ASTN2: variants seen among roughly 807,000 people sequenced by gnomAD.
The protein encoded by ASTN2 is astrotactin 2, also known as astrotactin-2.
A neutral mutation model predicts 139.8 loss-of-function variants in ASTN2; 54 were observed. The observed-to-expected ratio is 0.39, with a 90% CI of 0.31 to 0.48. ASTN2 has a LOEUF of 0.48. Among genes scored for constraint, ASTN2 ranks in the 20% least tolerant of loss-of-function variants. The pLI is 0.95. For synonymous variants in ASTN2, 756 were observed against 719.5 expected, an observed-to-expected ratio of 1.05 and a Z score of -0.81; for missense variants, 1,565 against 1,725.1, an observed-to-expected ratio of 0.91 and a Z score of 1.64.
chr9:116,974,538 T>C (rs1481211643), intron 10 of ASTN2, among the ~76,000 whole-genome samples: 2 of 144,648 alleles, frequency 1.4e-5, no homozygotes, highest in East Asian at 2.1e-4. Flanking sequence ...AGATGGAGTC[T>C]CACTCTGTTC....
At chr9:116,545,338 T>A (rs1404347507) in intron 19 of ASTN2, among the ~76,000 whole-genome samples, 2 of 152,068 alleles carry the variant, frequency 1.3e-5, no homozygotes, top group Non-Finnish European at 2.9e-5. Flanking sequence ...TGGATTGGAG[T>A]CTCCACATGT....
At chr9:117,078,325 C>T (rs1027896370) in intron 5 of ASTN2, among the ~76,000 whole-genome samples, 17 of 152,096 alleles carry the variant, frequency 1.1e-4, no homozygotes, top group Admixed American at 1.1e-3. Context: ...TTCCAGTTTT[C>T]CACCATTATT....
chr9:117,240,843 C>T (rs2133072690), intron 2 of ASTN2, among the ~76,000 whole-genome samples: 1 of 152,310 alleles, frequency 6.6e-6, no homozygotes, highest in East Asian at 1.9e-4. Flanking sequence ...CTAAGCCATG[C>T]TTTCTGCAGA....
chr9:117,147,338 G>A (rs939282089), intron 3 of ASTN2, among the ~76,000 whole-genome samples: 2 of 152,120 alleles, frequency 1.3e-5, no homozygotes, highest in Non-Finnish European at 1.5e-5. Flanking sequence ...TCAGGTAGCT[G>A]AGGCAGAGAA....
At chr9:116,711,728 CA>C (rs1235721927) in intron 16 of ASTN2, among the ~76,000 whole-genome samples, 1 of 152,198 alleles carries the variant, frequency 6.6e-6, no homozygotes, top group Admixed American at 6.5e-5. Context: ...TCATTTTCCT[CA>C]CCTTTCACCT....
intron 2 of ASTN2, among the ~76,000 whole-genome samples, chr9:117,256,088 C>T (rs903020851): frequency 6.6e-6 from 1 of 152,110 alleles, no homozygotes; most frequent in African/African-American, 2.4e-5. Flanking sequence ...AGGCTCACAC[C>T]AAGCCTGCAA....
intron 1 of ASTN2, among the ~76,000 whole-genome samples, chr9:117,374,369 TAAAAAA>T (rs57428022): frequency 0.28 from 24,971 of 87,986 alleles, 2,865 homozygotes; most frequent in East Asian, 0.51. Flanking sequence ...AGGGCAGGGT[TAAAAAA>T]AAAAAAAAAA....
At chr9:116,756,617 A>C (rs1036124634) in intron 13 of ASTN2, among the ~76,000 whole-genome samples, 3 of 152,006 alleles carry the variant, frequency 2.0e-5, no homozygotes, top group African/African-American at 4.8e-5. Flanking sequence ...TGTACCAATA[A>C]ATGTTTATTC....
intron 20 of ASTN2, among the ~76,000 whole-genome samples, chr9:116,471,573 A>G (rs1848814543): frequency 6.6e-6 from 1 of 151,894 alleles, no homozygotes; most frequent in African/African-American, 2.4e-5. Context: ...CCGGGGAAAG[A>G]GGGACAGAGA....
chr9:116,488,887 A>C (rs1355349097), intron 19 of ASTN2, among the ~76,000 whole-genome samples: 1 of 152,182 alleles, frequency 6.6e-6, no homozygotes, highest in East Asian at 1.9e-4. Flanking sequence ...ATTACTTAAA[A>C]ATAGATAAAG....
intron 13 of ASTN2, among the ~76,000 whole-genome samples, chr9:116,801,187 A>T (rs1315805060): frequency 6.6e-6 from 1 of 152,190 alleles, no homozygotes. Flanking sequence ...AGAAATGACA[A>T]CTGCATTTGA....
intron 3 of ASTN2, among the ~76,000 whole-genome samples, chr9:117,176,666 C>T (rs1011485248): frequency 1.3e-5 from 2 of 152,158 alleles, no homozygotes; most frequent in African/African-American, 4.8e-5. Flanking sequence ...GGTACAGTGG[C>T]TTACACCTCT....
chr9:116,654,031 A>AG (rs1335159370), intron 16 of ASTN2, among the ~76,000 whole-genome samples: 1 of 152,252 alleles, frequency 6.6e-6, no homozygotes, highest in East Asian at 1.9e-4. Context: ...GACTTTTTGT[A>AG]GACCAGACGG....
rs538136132 is a variant in ASTN2 at position 117,271,896 on chromosome 9, G to A, written c.630+19430C>T. On this transcript the variant is annotated intron_variant, in intron 2 of 22. Transcript: ENST00000313400. Reference sequence around the variant, plus strand: ...AGCTGCTTTAATGGGCTGCCATTGAGTGTCTGCAGCTTTTCCAGGTGCACT... The same window carrying A: ...AGCTGCTTTAATGGGCTGCCATTGAATGTCTGCAGCTTTTCCAGGTGCACT... Among the ~76,000 whole-genome samples the A allele has an allele frequency of 2.0e-5, 3 of 152,304 alleles. No individual in the cohort carries two copies. In the South Asian group the frequency reaches 6.2e-4, roughly 32 times the overall value.
intron 7 of ASTN2, among the ~76,000 whole-genome samples, chr9:116,995,998 C>T (rs1053943180): frequency 5.9e-5 from 9 of 152,048 alleles, no homozygotes; most frequent in African/African-American, 2.2e-4. Context: ...TGCCACCATG[C>T]CCAGCTAATT....
intron 16 of ASTN2, chr9:116,686,964 GC>G: frequency 6.8e-7 from 1 of 1,464,954 alleles, no homozygotes; most frequent in Non-Finnish European, 9.0e-7. Flanking sequence ...TCAGTAAGGT[GC>G]CAACGCTTTG....
At chr9:116,912,715 G>A (rs755119312) in intron 10 of ASTN2, among the ~76,000 whole-genome samples, 5 of 152,142 alleles carry the variant, frequency 3.3e-5, no homozygotes, top group Non-Finnish European at 5.9e-5. Context: ...AGAGATGCAA[G>A]CTTGGGTTTT....
At chr9:116,694,254 T>C (rs894455321) in intron 16 of ASTN2, among the ~76,000 whole-genome samples, 5 of 152,148 alleles carry the variant, frequency 3.3e-5, no homozygotes, top group Non-Finnish European at 7.3e-5. Flanking sequence ...TTGCTGCTAT[T>C]TTTACAAGTT....
At chr9:117,008,658 C>T (rs1214621798) in intron 6 of ASTN2, among the ~76,000 whole-genome samples, 1 of 152,090 alleles carries the variant, frequency 6.6e-6, no homozygotes, top group Admixed American at 6.6e-5. Flanking sequence ...AGATAAAATG[C>T]TGAGCTGGCA....
Sources: gnomAD v4.1 joint callset for allele counts (sites outside exome capture counted in the v4.1 genomes callset) on GRCh38, gnomAD v4.1.1 for gene constraint, MANE v1.5 for transcripts, NCBI Gene and HGNC (gene_info 2026-07-23, HGNC 2026-07-21) for gene names.